The following HCCS variants were observed in gnomAD, a reference collection of about 807,000 sequenced individuals.
HCCS encodes the protein holocytochrome c-type synthase.
A neutral mutation model predicts 24.2 loss-of-function variants in HCCS; 2 were observed. That is an observed-to-expected ratio of 0.08 (90% CI 0.03 to 0.26). HCCS has a LOEUF of 0.26. Among genes scored for constraint, HCCS ranks in the 10% least tolerant of loss-of-function variants. The pLI, the probability that HCCS is intolerant of heterozygous loss-of-function variation, is 1.00. For synonymous variants in HCCS, 73 were observed against 76.2 expected (o/e 0.96, Z 0.22); for missense variants, 150 against 213.3 (o/e 0.70, Z 1.85).
At chrX:11,117,749 C>G (rs1299184500) in intron 4 of HCCS, among the ~76,000 whole-genome samples, 1 of 111,711 alleles carries the variant, frequency 9.0e-6, no homozygotes, top group African/African-American at 3.3e-5. Flanking sequence ...CGAGGAGAGC[C>G]GATGGCACAC....
chrX:11,116,485 T>C (rs936128146), intron 3 of HCCS, among the ~76,000 whole-genome samples: 8 of 112,910 alleles, frequency 7.1e-5, no homozygotes, highest in African/African-American at 2.6e-4. Context: ...TCTGAGGGCC[T>C]TGTTGTGATG....
intron 3 of HCCS, among the ~76,000 whole-genome samples, chrX:11,116,790 C>T (rs1157565171): frequency 8.9e-6 from 1 of 112,469 alleles, no homozygotes; most frequent in African/African-American, 3.2e-5. Context: ...TGCAAAGACT[C>T]ATCTGTAATA....
At chrX:11,112,182 AAAT>A in intron 2 of HCCS, 22 bp downstream of exon 2, 1 of 1,111,601 alleles carries the variant, frequency 9.0e-7, no homozygotes, top group South Asian at 1.8e-5. Context: ...TTTGCCTAGA[AAAT>A]AAAAACAAAA....
intron 2 of HCCS, among the ~76,000 whole-genome samples, chrX:11,113,696 A>G (rs1469301530): frequency 8.9e-6 from 1 of 112,335 alleles, no homozygotes; most frequent in African/African-American, 3.2e-5. Context: ...GTGGGTGTCT[A>G]TAGGAGATCG....
In HCCS at chrX:11,111,370, C is replaced by CGGT. The variant is rs973160949; in HGVS notation, c.-189_-188insTGG. On this transcript the variant is annotated 5_prime_UTR_variant, in exon 1 of 7. Coordinates refer to ENST00000380762, the MANE Select transcript of HCCS (RefSeq NM_005333.5). ...AGTGAGAGGAAGGCGGCGGCGGCGG[C>CGGT]GGCGGCGGCGTGAAGTCACTGCTGC... 10 of 175,562 alleles carry CGGT rather than the reference C, an allele frequency of 5.7e-5. No homozygotes were observed. The highest frequency in any genetic ancestry group is 8.2e-5 in the South Asian group (1 of 12,250). The allele number at this position is 175,562 out of a possible 1,213,427, so 14.5% of individuals were successfully genotyped here.
rs1225177107 is a variant in HCCS, at chrX:11,122,503, C to G, written c.*693C>G. On this transcript the variant is annotated 3_prime_UTR_variant, in exon 7 of 7. Coordinates refer to ENST00000380762, the MANE Select transcript of HCCS (RefSeq NM_005333.5). ...AATCCTGTTATTCTAATATGTAACT[C>G]TGCTCCCAACAAACAGGTCTCCTCA... The G allele has an allele frequency of 8.9e-6, 1 of 112,172 alleles. No homozygotes were observed. The highest frequency in any genetic ancestry group is 2.8e-4 in the East Asian group (1 of 3,586). The allele number at this position is 112,172 out of a possible 1,213,427, so 9.2% of individuals were successfully genotyped here.
At position 11,114,941 on chromosome X, in the gene HCCS, G is replaced by A. The variant is rs2045437627; in HGVS notation, c.207G>A (p.Arg69=). ...ATGAGTACGTGGAGTGTCCCATTAG[G>A]GGCACTGCGGCTGAGAATAAGGAGA... ...RAYEYVECPI[R]GTAAENKENL... The change falls in exon 3 of 7, where the codon AGG becomes AGA. Residue 69 remains arginine (R), a synonymous_variant. Coordinates refer to ENST00000380762, the MANE Select transcript of HCCS (RefSeq NM_005333.5). 8.3e-7 allele frequency: 1 copy of A among 1,205,985 alleles called. No homozygotes were observed. Among genetic ancestry groups the A allele is most frequent in the South Asian group, 1.8e-5 (1 of 56,728 alleles).
chrX:11,113,440 T>G (rs1412611480), intron 2 of HCCS, among the ~76,000 whole-genome samples: 1 of 112,162 alleles, frequency 8.9e-6, no homozygotes, highest in African/African-American at 3.2e-5. Flanking sequence ...AACTAAGACT[T>G]GGAGTAACTG....
At chrX:11,114,774 A>G (rs1168894117) in intron 2 of HCCS, 61 bp from the exon 3 acceptor site, 22 of 1,047,691 alleles carry the variant, frequency 2.1e-5, no homozygotes, top group Non-Finnish European at 2.5e-5. Context: ...TAGTGCTCCA[A>G]TTGAGAGAGT....
chrX:11,113,310 G>T (rs148700294), intron 2 of HCCS, among the ~76,000 whole-genome samples: 1 of 112,215 alleles, frequency 8.9e-6, no homozygotes, highest in South Asian at 3.7e-4. Flanking sequence ...GTTTCTGCAC[G>T]AGAGAATAAC....
rs1296033167 is a variant in HCCS, at chrX:11,122,681, G to A, written c.*871G>A. 8.9e-6 allele frequency: 1 copy of A among 112,332 alleles called. No homozygotes were observed. The highest frequency in any genetic ancestry group is 1.9e-5 in the Non-Finnish European group (1 of 53,282). 9.3% of individuals were successfully genotyped at this position (112,332 alleles called of 1,213,427 possible). A position where few individuals can be genotyped will look rare whatever the true frequency, so the allele number is the denominator to read the frequency against. ...CAGTGATGGTCCCCCTCTAAAACAT[G>A]ATTTTATATTTGGCTGAGTGTTAAA... On this transcript the variant is annotated 3_prime_UTR_variant, in exon 7 of 7. Transcript: ENST00000380762.
rs765081298 is a variant in HCCS, at chrX:11,118,345, A to C, written c.402-156A>C. The C allele has an allele frequency of 1.9e-5, 10 of 540,189 alleles. No homozygotes were observed. In the Admixed American group the frequency reaches 2.6e-4, roughly 14 times the overall value. 44.5% of individuals were successfully genotyped at this position (540,189 alleles called of 1,213,427 possible). ...CTCCATGATCATGGGTAAATCTTGA[A>C]AATGAGCCTTAGATCTGTTAAATTC... On this transcript the variant is annotated intron_variant, in intron 4 of 6. Transcript: ENST00000380762.
chrX:11,117,203 A>G (rs1265067164), intron 3 of HCCS, 64 bp from the exon 4 acceptor site: 34 of 950,034 alleles, frequency 3.6e-5, no homozygotes, highest in Non-Finnish European at 7.6e-6. Flanking sequence ...CTTTCCAGGA[A>G]GTAGTTAATT....
At chrX:11,111,992 C>T in intron 1 of HCCS, 27 bp from the exon 2 acceptor site, 3 of 783,818 alleles carry the variant, frequency 3.8e-6, no homozygotes, top group Non-Finnish European at 3.9e-6. Flanking sequence ...AGTCCAGAGA[C>T]ATTAATCTGT....
At position 11,112,282 on chromosome X, in the gene HCCS, C is replaced by T. The variant is rs1434224677; in HGVS notation, c.100+122C>T. ...GGTGGATTGCTTGAGCTCAGGACTT[C>T]GAGACCAGCCTGGGCAACATGGCAA... On this transcript the variant is annotated intron_variant, in intron 2 of 6. Transcript: ENST00000380762. 2.5e-5 allele frequency: 13 copies of T among 528,732 alleles called. No homozygotes were observed. The African/African-American group carries it at 2.8e-4, about 11-fold the overall frequency. 43.6% of individuals were successfully genotyped at this position (528,732 alleles called of 1,213,427 possible). A position where few individuals can be genotyped will look rare whatever the true frequency, so the allele number is the denominator to read the frequency against.
At position 11,122,894 on chromosome X, in the gene HCCS, A is replaced by G. The variant is rs1476476431; in HGVS notation, c.*1084A>G. 1 of 110,602 alleles carries G rather than the reference A, an allele frequency of 9.0e-6. No individual in the cohort carries two copies. Among genetic ancestry groups the G allele is most frequent in the Non-Finnish European group, 1.9e-5 (1 of 52,957 alleles). 9.1% of individuals were successfully genotyped at this position (110,602 alleles called of 1,213,427 possible). On this transcript the variant is annotated 3_prime_UTR_variant, in exon 7 of 7. Transcript: ENST00000380762. The stretch of plus-strand genomic sequence containing the variant: ...CTTTTTTTTTTTAACTGTCTATACT[A>G]TTAAATCCTTTAATTTATCCTGAAT...
intron 5 of HCCS, among the ~76,000 whole-genome samples, chrX:11,120,580 C>T (rs1219508579): frequency 9.0e-6 from 1 of 110,622 alleles, no homozygotes; most frequent in African/African-American, 3.3e-5. Context: ...GCATGATGCA[C>T]AATACTTGAG....
chrX:11,115,382 G>T (rs1405054934), intron 3 of HCCS, among the ~76,000 whole-genome samples: 1 of 112,060 alleles, frequency 8.9e-6, no homozygotes, highest in African/African-American at 3.3e-5. Flanking sequence ...TAGGGTGCCA[G>T]CCTGCCCGAG....
intron 2 of HCCS, among the ~76,000 whole-genome samples, chrX:11,112,592 G>C (rs1233988786): frequency 8.9e-6 from 1 of 112,571 alleles, no homozygotes; most frequent in Non-Finnish European, 1.9e-5. Flanking sequence ...GTCTTATTGA[G>C]GTTTGTGACT....
Sources: allele counts gnomAD v4.1 joint callset (sites outside exome capture counted in the v4.1 genomes callset), GRCh38; gene constraint gnomAD v4.1.1; transcripts MANE v1.5; gene names NCBI Gene and HGNC (gene_info 2026-07-23, HGNC 2026-07-21).